CCNH: variants seen among roughly 807,000 people sequenced by gnomAD.
The protein encoded by CCNH is cyclin-H.
CCNH carries 31 observed loss-of-function variants against 41.9 expected under a neutral mutation model. The ratio of observed to expected loss-of-function variants is 0.74; its 90% CI spans 0.56 to 1.00. The LOEUF (loss-of-function observed/expected upper bound fraction) is 1.00. Among genes scored for constraint, CCNH ranks in the 50% least tolerant of loss-of-function variants. CCNH has a pLI of 0.00. For missense variants in CCNH, 362 were observed against 388.4 expected (o/e 0.93, Z 0.57); for synonymous variants, 138 against 136.1 (o/e 1.01, Z -0.10).
chr5:87,369,072 A>T (rs939736197), intron 9 of CCNH, among the ~76,000 whole-genome samples: 2 of 152,152 alleles, frequency 1.3e-5, no homozygotes, highest in African/African-American at 4.8e-5. Flanking sequence ...TATTTTTGCT[A>T]TGGCCTCCTA....
In CCNH at chr5:87,404,815, T is replaced by C. The variant is rs112127915; in HGVS notation, c.689+29A>G. On this transcript the variant is annotated intron_variant, in intron 5 of 8. Coordinates refer to ENST00000256897, the MANE Select transcript of CCNH (RefSeq NM_001239.4). ...GAATAAATAAACCCAGTGACTGAAT[T>C]TGACCTAAGTTAAAAAACTAATTAA... 1.7e-5 allele frequency: 26 copies of C among 1,542,826 alleles called. 1 individual carries two copies. The African/African-American group carries it at 1.9e-4, about 12-fold the overall frequency.
intron 7 of CCNH, among the ~76,000 whole-genome samples, chr5:87,396,337 T>C (rs954928375): frequency 1.6e-4 from 25 of 152,090 alleles, no homozygotes; most frequent in African/African-American, 4.3e-4. Context: ...ACCACAAAAA[T>C]GTGGCCAGGT....
At chr5:87,314,292 AGTT>A (rs1464221629), downstream of CCNH, among the ~76,000 whole-genome samples, 2 of 152,278 alleles carry the variant, frequency 1.3e-5, no homozygotes, top group Non-Finnish European at 2.9e-5. Context: ...ATGCTGTACC[AGTT>A]GTTTAGATTT....
At chr5:87,353,349 GATT>G in intron 9 of CCNH, 1 of 841,796 alleles carries the variant, frequency 1.2e-6, no homozygotes, top group Non-Finnish European at 1.9e-6. Context: ...TAAAACTACA[GATT>G]ATTTAGATTT....
At chr5:87,377,193 T>C, upstream of CCNH, 1 of 963,468 alleles carries the variant, frequency 1.0e-6, no homozygotes. Flanking sequence ...CAGTTGGATG[T>C]CAGTTCTGAT....
intron 3 of CCNH, among the ~76,000 whole-genome samples, chr5:87,408,496 G>A (rs959125290): frequency 2.6e-5 from 4 of 152,210 alleles, no homozygotes; most frequent in Admixed American, 2.6e-4. Flanking sequence ...ATTAACTGAG[G>A]AATAAGAGTA....
intron 9 of CCNH, among the ~76,000 whole-genome samples, chr5:87,354,172 A>G (rs925518548): frequency 7.9e-5 from 12 of 152,072 alleles, no homozygotes; most frequent in African/African-American, 2.9e-4. Flanking sequence ...CATTAATCTG[A>G]AGCTAAAGAT....
Position 87,363,002 on chromosome 5 carries a change from G to T in CCNH, c.*90+29768C>A, listed in dbSNP as rs150954120. 9.1e-3 allele frequency among the ~76,000 whole-genome samples: 1,384 copies of T among 151,556 alleles called. 26 individuals carry two copies. Among genetic ancestry groups the T allele is most frequent in the African/African-American group, 0.031 (1,286 of 41,344 alleles). ...CAATTTGACATAACGACATTTTGGG[G>T]AATTGTGGGTGGGGGTGTGCTTTAT... is the stretch of plus-strand genomic sequence containing the variant. On this transcript the variant is annotated intron_variant and NMD_transcript_variant, in intron 9 of 9. Coordinates refer to the CCNH transcript ENST00000645953.
chr5:87,353,775 A>C (rs992132257), intron 9 of CCNH, among the ~76,000 whole-genome samples: 6 of 152,092 alleles, frequency 3.9e-5, no homozygotes, highest in African/African-American at 1.4e-4. Flanking sequence ...CCTAGACAAA[A>C]GTGAATAGAA....
intron 9 of CCNH, among the ~76,000 whole-genome samples, chr5:87,382,745 A>C (rs192300916): frequency 8.3e-4 from 126 of 152,180 alleles, no homozygotes; most frequent in Admixed American, 5.9e-3. Context: ...TTGTTTTATA[A>C]TTTGACAACT....
rs139654168 is a variant in CCNH, at chr5:87,366,647, GAAT to G, written c.*90+26120_*90+26122del. ...AGACATTAGAAAAAGTCTTTGTAAT[GAAT>G]TATATTTAATGATACCAGGTCTGAA... On this transcript the variant is annotated intron_variant and NMD_transcript_variant, in intron 9 of 9. Transcript: ENST00000645953. 7.5e-3 allele frequency among the ~76,000 whole-genome samples: 1,139 copies of G among 152,296 alleles called. 17 individuals carry two copies. The highest frequency in any genetic ancestry group is 0.027 in the African/African-American group (1,102 of 41,570).
chr5:87,391,181 T>C (rs886060846), downstream of CCNH: 22 of 498,156 alleles, frequency 4.4e-5, no homozygotes, highest in Admixed American at 1.0e-4. Context: ...TATCTTGATA[T>C]CTCGAACTTT....
downstream of CCNH, among the ~76,000 whole-genome samples, chr5:87,387,395 T>TAATA (rs1372939615): frequency 6.6e-6 from 1 of 152,176 alleles, no homozygotes; most frequent in African/African-American, 2.4e-5. Flanking sequence ...TGGGCCTTGT[T>TAATA]AATAAAATAA....
downstream of CCNH, chr5:87,390,761 A>T: frequency 6.5e-7 from 1 of 1,544,596 alleles, no homozygotes; most frequent in Non-Finnish European, 8.9e-7. Context: ...TTGCTGACCG[A>T]GCTTTCATTT....
chr5:87,350,157 G>GA (rs1245122052), intron 9 of CCNH, among the ~76,000 whole-genome samples: 1 of 151,836 alleles, frequency 6.6e-6, no homozygotes, highest in South Asian at 2.1e-4. Context: ...TTGTTTATCT[G>GA]AAAAAAACCA....
At chr5:87,369,937 A>G in intron 9 of CCNH, 1 of 1,489,444 alleles carries the variant, frequency 6.7e-7, no homozygotes, top group South Asian at 1.1e-5. Context: ...GTATACTTTT[A>G]TGTTAGCCCA....
intron 9 of CCNH, chr5:87,346,661 C>T (rs748571626): frequency 6.6e-7 from 1 of 1,513,164 alleles, no homozygotes; most frequent in Non-Finnish European, 9.2e-7. Context: ...CTAATTTATT[C>T]TCTTTTTAAG....
At chr5:87,369,381 C>G (rs1245880255) in intron 9 of CCNH, among the ~76,000 whole-genome samples, 1 of 152,030 alleles carries the variant, frequency 6.6e-6, no homozygotes, top group African/African-American at 2.4e-5. Flanking sequence ...GAAAAATGAT[C>G]AGTTTAGAAA....
intron 9 of CCNH, among the ~76,000 whole-genome samples, chr5:87,353,920 CAG>C (rs545668825): frequency 1.8e-4 from 27 of 152,170 alleles, no homozygotes; most frequent in African/African-American, 4.8e-4. Context: ...AATGGTATAA[CAG>C]GGGTTAGAAA....
Sources: gnomAD v4.1 joint callset for allele counts (sites outside exome capture counted in the v4.1 genomes callset) on GRCh38, gnomAD v4.1.1 for gene constraint, MANE v1.5 for transcripts, NCBI Gene and HGNC (gene_info 2026-07-23, HGNC 2026-07-21) for gene names.